RAD54B: variants seen among roughly 807,000 people sequenced by gnomAD.
The protein encoded by RAD54B is DNA repair and recombination protein RAD54B.
RAD54B carries 78 observed loss-of-function variants against 95.8 expected under a neutral mutation model. The observed-to-expected ratio is 0.81, with a 90% CI of 0.68 to 0.98. The LOEUF (loss-of-function observed/expected upper bound fraction) is 0.98. Among genes scored for constraint, RAD54B ranks in the 50% least tolerant of loss-of-function variants. RAD54B has a pLI of 0.00. For missense variants in RAD54B, 957 were observed against 1,056.6 expected (o/e 0.91, Z 1.31); for synonymous variants, 328 against 354.9 (o/e 0.92, Z 0.85).
At chr8:94,405,245 C>T (rs913070886) in intron 5 of RAD54B, among the ~76,000 whole-genome samples, 1 of 152,060 alleles carries the variant, frequency 6.6e-6, no homozygotes, top group African/African-American at 2.4e-5. Context: ...AACTAGAAGG[C>T]AGGTCTCAAT....
chr8:94,405,893 T>C (rs1811376572), intron 5 of RAD54B, among the ~76,000 whole-genome samples: 7 of 152,042 alleles, frequency 4.6e-5, no homozygotes, highest in Admixed American at 4.6e-4. Flanking sequence ...AGACGATCAT[T>C]TAATATTAAC....
At position 94,469,209 on chromosome 8, in the gene RAD54B, G is replaced by A. The variant is rs918707990; in HGVS notation, c.-16-1654C>T. ...AAAGAATTTAAGATTTAAACTGAAC[G>A]GTGATACAGTTTGGCTGTGACCCCA... On this transcript the variant is annotated intron_variant, in intron 1 of 14. Coordinates refer to ENST00000336148, the MANE Select transcript of RAD54B (RefSeq NM_012415.3). Among the ~76,000 whole-genome samples, 6 of 151,824 alleles carry A rather than the reference G, an allele frequency of 4.0e-5. No homozygotes were observed. In the South Asian group the frequency reaches 6.2e-4, roughly 16 times the overall value.
intron 12 of RAD54B, among the ~76,000 whole-genome samples, 179 bp from the exon 13 acceptor site, chr8:94,378,813 A>AT (rs1297520488): frequency 2.0e-5 from 3 of 152,256 alleles, no homozygotes; most frequent in Non-Finnish European, 4.4e-5. Flanking sequence ...TGGCAGAAAG[A>AT]AAGGGATGAG....
intron 3 of RAD54B, among the ~76,000 whole-genome samples, chr8:94,442,396 C>T (rs919231169): frequency 6.6e-6 from 1 of 151,946 alleles, no homozygotes; most frequent in Non-Finnish European, 1.5e-5. Context: ...CATGGTGAAA[C>T]CCCGTCTCTA....
intron 3 of RAD54B, among the ~76,000 whole-genome samples, chr8:94,454,422 T>C (rs1812735479): frequency 6.6e-6 from 1 of 152,246 alleles, no homozygotes; most frequent in Admixed American, 6.5e-5. Flanking sequence ...AAATGGTGAA[T>C]TGTATGTTAT....
intron 3 of RAD54B, chr8:94,436,410 T>C (rs968370809): frequency 3.6e-6 from 5 of 1,404,014 alleles, no homozygotes; most frequent in Admixed American, 2.9e-5. Flanking sequence ...GGATGCTTAC[T>C]ATGCATATCT....
intron 3 of RAD54B, chr8:94,429,640 T>G: frequency 1.0e-6 from 1 of 983,782 alleles, no homozygotes; most frequent in Non-Finnish European, 1.2e-6. Flanking sequence ...AAACATTACC[T>G]CAAATTAAGA....
intron 2 of RAD54B, among the ~76,000 whole-genome samples, chr8:94,463,910 A>G (rs28776610): frequency 0.011 from 1,662 of 149,358 alleles, 29 homozygotes; most frequent in African/African-American, 0.037. Context: ...AAAAAAAAAA[A>G]AAAGAAAGAA....
At chr8:94,435,483 T>C (rs938026169) in intron 3 of RAD54B, among the ~76,000 whole-genome samples, 12 of 151,920 alleles carry the variant, frequency 7.9e-5, no homozygotes, top group Non-Finnish European at 1.0e-4. Flanking sequence ...CTTCCACCAA[T>C]AGAAAAGCAC....
chr8:94,391,747 C>T lies in RAD54B; in HGVS notation c.1671G>A (p.Glu557=), dbSNP rs763120371. 2 of 1,613,990 alleles carry T rather than the reference C, an allele frequency of 1.2e-6. No homozygotes were observed. The highest frequency in any genetic ancestry group is 1.3e-5 in the African/African-American group (1 of 75,004). Reference sequence around the variant, plus strand: ...GAGAATTTAACAGCTTTCGATAAAGCTCAATCTGTAGTGCTCCTGGTCGGC... The same window carrying T: ...GAGAATTTAACAGCTTTCGATAAAGTTCAATCTGTAGTGCTCCTGGTCGGC... ...VFCRPGALQI[E]LYRKLLNSQV... Residue 557 remains glutamate, a synonymous_variant, in exon 10 of 15, where the codon GAG becomes GAA. Transcript: ENST00000336148.
chr8:94,404,065 T>G lies in RAD54B; in HGVS notation c.944+12A>C, dbSNP rs760029703. 6.4e-7 allele frequency: 1 copy of G among 1,565,572 alleles called. No individual in the cohort carries two copies. The highest frequency in any genetic ancestry group is 1.2e-5 in the South Asian group (1 of 84,380). ...ATTCAGATTAGATTAAACAAATGAT[T>G]TATTTTCCTACCTCATTCCCATTAC... is the stretch of plus-strand genomic sequence containing the variant. On this transcript the variant is annotated intron_variant, in intron 6 of 14. Coordinates refer to ENST00000336148, the MANE Select transcript of RAD54B (RefSeq NM_012415.3).
intron 4 of RAD54B, among the ~76,000 whole-genome samples, chr8:94,410,106 T>C (rs1030900619): frequency 2.8e-4 from 42 of 152,356 alleles, no homozygotes; most frequent in Admixed American, 2.4e-3. Context: ...CTGAACTAGT[T>C]TGAATTCCTT....
chr8:94,423,930 C>T (rs1811881173), intron 3 of RAD54B, among the ~76,000 whole-genome samples: 1 of 152,014 alleles, frequency 6.6e-6, no homozygotes, highest in Admixed American at 6.6e-5. Context: ...AACATACTTC[C>T]CCTTTTACCC....
In RAD54B at chr8:94,422,990, CATATAT is replaced by C. The variant is rs369733077; in HGVS notation, c.305-11681_305-11676del. 9.9e-5 allele frequency among the ~76,000 whole-genome samples: 15 copies of C among 151,422 alleles called. 1 individual carries two copies. In the South Asian group the frequency reaches 1.0e-3, roughly 11 times the overall value. On this transcript the variant is annotated intron_variant, in intron 3 of 14. Coordinates refer to ENST00000336148, the MANE Select transcript of RAD54B (RefSeq NM_012415.3). ...GGGAAAGAGAATATGTATAAATATA[CATATAT>C]ATTTATCTTAAAATTCATTTTCATT...
intron 14 of RAD54B, among the ~76,000 whole-genome samples, chr8:94,376,504 A>C (rs1439864432): frequency 6.6e-6 from 1 of 151,682 alleles, no homozygotes; most frequent in Admixed American, 6.6e-5. Flanking sequence ...ACAAGGAAAA[A>C]GGAGAAAAGA....
intron 3 of RAD54B, among the ~76,000 whole-genome samples, chr8:94,426,490 G>A (rs1055516445): frequency 1.3e-5 from 2 of 151,964 alleles, no homozygotes; most frequent in Non-Finnish European, 2.9e-5. Flanking sequence ...AAAAAGTGTG[G>A]TATATTTATG....
intron 3 of RAD54B, among the ~76,000 whole-genome samples, chr8:94,438,238 C>A (rs149331110): frequency 4.6e-5 from 7 of 152,196 alleles, no homozygotes; most frequent in African/African-American, 1.7e-4. Flanking sequence ...TGAGCTCTCA[C>A]TGTGAGCCAA....
rs185057909 is a variant in RAD54B, at chr8:94,457,033, G to A, written c.304+1235C>T. ...TCAAATTTAGCAGGGAAGAGAATGA[G>A]AAACTATGGTAGAATACAAATAAAG... On this transcript the variant is annotated intron_variant, in intron 3 of 14. Coordinates refer to ENST00000336148, the MANE Select transcript of RAD54B (RefSeq NM_012415.3). 1.4e-4 allele frequency among the ~76,000 whole-genome samples: 21 copies of A among 152,220 alleles called. No homozygotes were observed. The East Asian group carries it at 4.1e-3, about 29-fold the overall frequency.
chr8:94,453,659 A>T (rs375241414), intron 3 of RAD54B, among the ~76,000 whole-genome samples: 1 of 152,236 alleles, frequency 6.6e-6, no homozygotes, highest in African/African-American at 2.4e-5. Flanking sequence ...TGGAGAAAAA[A>T]ATATATATGT....
Sources: allele counts gnomAD v4.1 joint callset (sites outside exome capture counted in the v4.1 genomes callset), GRCh38; gene constraint gnomAD v4.1.1; transcripts MANE v1.5; gene names NCBI Gene and HGNC (gene_info 2026-07-23, HGNC 2026-07-21).